RPS6KA2: variants seen among roughly 807,000 people sequenced by gnomAD.
The protein encoded by RPS6KA2 is ribosomal protein S6 kinase alpha-2.
A neutral mutation model predicts 91.8 loss-of-function variants in RPS6KA2; 42 were observed. That is an observed-to-expected ratio of 0.46 (90% CI 0.36 to 0.59). RPS6KA2 has a LOEUF of 0.59. Ranked by LOEUF, RPS6KA2 falls within the 20% of genes least tolerant of loss-of-function variation. RPS6KA2 has a pLI of 0.00. For synonymous variants in RPS6KA2, 414 were observed against 393.6 expected, an observed-to-expected ratio of 1.05 and a Z score of -0.61; for missense variants, 798 against 978.5, an observed-to-expected ratio of 0.82 and a Z score of 2.46.
At chr6:166,531,533 C>T (rs996635714) in intron 2 of RPS6KA2, among the ~76,000 whole-genome samples, 3 of 152,162 alleles carry the variant, frequency 2.0e-5, no homozygotes, top group Non-Finnish European at 2.9e-5. Flanking sequence ...TATGAAGAAG[C>T]GTCATTTGTT....
chr6:166,587,649 C>T (rs1213269037), intron 1 of RPS6KA2, among the ~76,000 whole-genome samples: 1 of 145,096 alleles, frequency 6.9e-6, no homozygotes, highest in East Asian at 2.0e-4. Context: ...AAAAAGCAAA[C>T]CAGCATAAAA....
At chr6:166,855,420 A>AGAAGAAGAG (rs1562473140) in intron 2 of RPS6KA2, among the ~76,000 whole-genome samples, 1 of 129,326 alleles carries the variant, frequency 7.7e-6, no homozygotes. Flanking sequence ...AGGAGGAGGA[A>AGAAGAAGAG]GAAGAAGAGG....
At chr6:166,788,852 TAAA>T (rs1379094197) in intron 2 of RPS6KA2, among the ~76,000 whole-genome samples, 2 of 151,860 alleles carry the variant, frequency 1.3e-5, no homozygotes, top group African/African-American at 4.8e-5. Flanking sequence ...TAAAGTAAAA[TAAA>T]AAATAAAAAT....
chr6:166,413,077 A>G (rs1358405850), intron 20 of RPS6KA2, among the ~76,000 whole-genome samples, 190 bp from the exon 21 acceptor site: 3 of 151,956 alleles, frequency 2.0e-5, no homozygotes, highest in African/African-American at 4.8e-5. Flanking sequence ...CCCAGGAGAC[A>G]GGGGCCCTGT....
At chr6:166,503,021 C>A (rs1014573699) in intron 6 of RPS6KA2, among the ~76,000 whole-genome samples, 2 of 152,106 alleles carry the variant, frequency 1.3e-5, no homozygotes, top group African/African-American at 4.8e-5. Flanking sequence ...AAACAAAATT[C>A]ATTTATGTTT....
intron 2 of RPS6KA2, among the ~76,000 whole-genome samples, chr6:166,672,331 A>G (rs1788495015): frequency 6.6e-6 from 1 of 152,176 alleles, no homozygotes; most frequent in Non-Finnish European, 1.5e-5. Context: ...AGAGAAGGAA[A>G]GCCGGCAGAT....
chr6:166,534,326 A>G (rs1217902676), intron 2 of RPS6KA2, among the ~76,000 whole-genome samples: 1 of 151,958 alleles, frequency 6.6e-6, no homozygotes, highest in African/African-American at 2.4e-5. Context: ...AGGCTGAGGC[A>G]GGAGGATCGC....
At chr6:166,680,422 G>A (rs540996542) in intron 2 of RPS6KA2, among the ~76,000 whole-genome samples, 3 of 152,214 alleles carry the variant, frequency 2.0e-5, no homozygotes, top group Admixed American at 6.5e-5. Flanking sequence ...GGCCGCCCCA[G>A]CCAGGAGACC....
At chr6:166,691,452 C>T (rs958061431) in intron 2 of RPS6KA2, among the ~76,000 whole-genome samples, 2 of 150,360 alleles carry the variant, frequency 1.3e-5, no homozygotes, top group African/African-American at 5.0e-5. Flanking sequence ...CGACACCTTC[C>T]CCGCCAAGCT....
chr6:166,560,665 C>T lies in RPS6KA2; in HGVS notation c.100-21881G>A, dbSNP rs561512426. 1.7e-3 allele frequency among the ~76,000 whole-genome samples: 252 copies of T among 151,772 alleles called. 1 individual carries two copies. Among genetic ancestry groups the T allele is most frequent in the African/African-American group, 5.7e-3 (234 of 41,400 alleles). On this transcript the variant is annotated intron_variant, in intron 1 of 20. Transcript: ENST00000265678. ...GGGTGGTCGCGAAACTCCAAGGCCC[C>T]GCTTGGTGGGAGGGGAGGGAGGGCA...
At chr6:166,685,891 C>T (rs768446867) in intron 2 of RPS6KA2, among the ~76,000 whole-genome samples, 2 of 152,158 alleles carry the variant, frequency 1.3e-5, no homozygotes, top group South Asian at 2.1e-4. Flanking sequence ...CTCCTACCAT[C>T]GAGTGATCCC....
chr6:166,416,641 G>A (rs1418102719), intron 19 of RPS6KA2, among the ~76,000 whole-genome samples: 1 of 137,768 alleles, frequency 7.3e-6, no homozygotes, highest in Non-Finnish European at 1.6e-5. Context: ...CTCCATCCCT[G>A]CTCCCACCAT....
intron 3 of RPS6KA2, among the ~76,000 whole-genome samples, chr6:166,525,310 G>T (rs1782986373): frequency 1.3e-5 from 2 of 152,196 alleles, no homozygotes; most frequent in Admixed American, 6.5e-5. Flanking sequence ...TGGAAGCTTT[G>T]TCAAGTTAAA....
chr6:166,765,983 T>C (rs538467089), intron 2 of RPS6KA2, among the ~76,000 whole-genome samples: 90 of 152,350 alleles, frequency 5.9e-4, no homozygotes, highest in South Asian at 4.3e-3. Flanking sequence ...TCACTGAAGG[T>C]CAATATCATA....
At chr6:166,842,784 G>A (rs1282833176) in intron 2 of RPS6KA2, among the ~76,000 whole-genome samples, 2 of 152,202 alleles carry the variant, frequency 1.3e-5, no homozygotes, top group African/African-American at 4.8e-5. Context: ...TAGGAGGCAG[G>A]ACTGGCTTGC....
chr6:166,649,870 G>A (rs755865242), intron 2 of RPS6KA2, among the ~76,000 whole-genome samples: 53 of 152,250 alleles, frequency 3.5e-4, no homozygotes, highest in Non-Finnish European at 5.4e-4. Context: ...GTCTTTCTGC[G>A]AACTTTCATT....
At chr6:166,762,551 C>A (rs940047433) in intron 2 of RPS6KA2, among the ~76,000 whole-genome samples, 16 of 152,150 alleles carry the variant, frequency 1.1e-4, no homozygotes, top group Non-Finnish European at 1.9e-4. Context: ...CAGCTGATCT[C>A]GAATCACACA....
intron 1 of RPS6KA2, among the ~76,000 whole-genome samples, chr6:166,602,411 C>T (rs935865885): frequency 1.3e-5 from 2 of 152,190 alleles, no homozygotes; most frequent in Admixed American, 1.3e-4. Flanking sequence ...GGGATGGATG[C>T]ACAAGATCAT....
intron 1 of RPS6KA2, among the ~76,000 whole-genome samples, chr6:166,576,040 T>C (rs527935894): frequency 1.3e-5 from 2 of 152,308 alleles, no homozygotes; most frequent in East Asian, 1.9e-4. Context: ...ATTCTCGTGA[T>C]AGTGAGTAAG....
Sources: allele counts gnomAD v4.1 joint callset (sites outside exome capture counted in the v4.1 genomes callset), GRCh38; gene constraint gnomAD v4.1.1; transcripts MANE v1.5; gene names NCBI Gene and HGNC (gene_info 2026-07-23, HGNC 2026-07-21).